The following SCIN variants were observed in gnomAD, a reference collection of about 807,000 sequenced individuals.
The protein encoded by SCIN is scinderin, also known as adseverin.
SCIN carries 91 observed loss-of-function variants against 91.8 expected under a neutral mutation model. That is an observed-to-expected ratio of 0.99 (90% CI 0.84 to 1.18). The LOEUF (loss-of-function observed/expected upper bound fraction) is 1.18. Ranked by LOEUF, SCIN falls within the 50% of genes most tolerant of loss-of-function variation. The probability of loss-of-function intolerance (pLI) is 0.00; values close to 1 mark genes in which losing one functional copy is unlikely to be tolerated. For missense variants in SCIN, 1,087 were observed against 863.9 expected (o/e 1.26, Z -3.24); for synonymous variants, 367 against 312.6 (o/e 1.17, Z -1.84).
chr7:12,608,653 A>G (rs147659027), intron 4 of SCIN, among the ~76,000 whole-genome samples: 2,384 of 151,948 alleles, frequency 0.016, 23 homozygotes, highest in Middle Eastern at 0.027. Flanking sequence ...AATTTTTTGC[A>G]TTTTTAGTAG....
intron 11 of SCIN, among the ~76,000 whole-genome samples, chr7:12,642,593 C>T (rs1044624051): frequency 6.7e-6 from 1 of 150,118 alleles, no homozygotes; most frequent in African/African-American, 2.5e-5. Context: ...ATCAGGTATC[C>T]ATCCCACTAG....
intron 3 of SCIN, among the ~76,000 whole-genome samples, chr7:12,598,771 T>C (rs139643908): frequency 2.0e-5 from 3 of 152,018 alleles, no homozygotes; most frequent in East Asian, 3.9e-4. Flanking sequence ...TCGCTAGGCG[T>C]GGTGGCACAT....
chr7:12,642,074 T>TTA (rs750255605), intron 11 of SCIN, among the ~76,000 whole-genome samples: 19 of 151,412 alleles, frequency 1.3e-4, no homozygotes, highest in Non-Finnish European at 2.2e-4. Context: ...ACTATATGTA[T>TTA]TATATATATA....
chr7:12,619,574 G>T (rs1562618836), intron 4 of SCIN, among the ~76,000 whole-genome samples: 2 of 151,830 alleles, frequency 1.3e-5, no homozygotes, highest in Non-Finnish European at 2.9e-5. Context: ...AACACCAAGG[G>T]TGGTCTTGAG....
At chr7:12,626,856 G>C in intron 8 of SCIN, 57 bp downstream of exon 8, 1 of 1,424,108 alleles carries the variant, frequency 7.0e-7, no homozygotes, top group Non-Finnish European at 9.7e-7. Context: ...TGTAGGGGGA[G>C]GGTGGGGGAG....
At chr7:12,650,743 A>C (rs1004103617) in intron 14 of SCIN, among the ~76,000 whole-genome samples, 3 of 152,204 alleles carry the variant, frequency 2.0e-5, no homozygotes, top group African/African-American at 7.2e-5. Flanking sequence ...TAATTATATC[A>C]ATTTTTTAAA....
intron 1 of SCIN, 188 bp from the exon 2 acceptor site, chr7:12,577,875 TA>T (rs1782408301): frequency 2.4e-5 from 13 of 545,182 alleles, no homozygotes; most frequent in Admixed American, 1.8e-4. Context: ...AAAAATAGAC[TA>T]AAAAAATTGT....
In SCIN at chr7:12,654,620, CT is replaced by C. The variant is rs982031514; in HGVS notation, c.*1910del. On this transcript the variant is annotated 3_prime_UTR_variant, in exon 16 of 16. Transcript: ENST00000297029. ...GAATAAAATGATTTAATAAGTAGTACTTTTTCACAAAATTAGTAAAGGTCAA... is the reference window on the plus strand; with the variant it reads ...GAATAAAATGATTTAATAAGTAGTACTTTTCACAAAATTAGTAAAGGTCAA... 2.0e-5 allele frequency: 3 copies of C among 152,070 alleles called. No individual in the cohort carries two copies. Among genetic ancestry groups the C allele is most frequent in the Admixed American group, 6.5e-5 (1 of 15,276 alleles). 9.4% of individuals were successfully genotyped at this position (152,070 alleles called of 1,614,324 possible). A position where few individuals can be genotyped will look rare whatever the true frequency, so the allele number is the denominator to read the frequency against.
In SCIN at chr7:12,644,841, C is replaced by T. The variant is rs528921173; in HGVS notation, c.1881+136C>T. The T allele has an allele frequency of 8.2e-6, 6 of 728,258 alleles. No individual in the cohort carries two copies. The African/African-American group carries it at 9.0e-5, about 11-fold the overall frequency. 45.1% of individuals were successfully genotyped at this position (728,258 alleles called of 1,614,324 possible). A position where few individuals can be genotyped will look rare whatever the true frequency, so the allele number is the denominator to read the frequency against. ...GACCAGCCTGACCAACATGTAGAAA[C>T]CGTCTCTACTAAAAATATAAAAATT... is the stretch of plus-strand genomic sequence containing the variant. On this transcript the variant is annotated intron_variant, in intron 13 of 15. Coordinates refer to ENST00000297029, the MANE Select transcript of SCIN (RefSeq NM_001112706.3).
At chr7:12,596,088 A>G (rs1782834616) in intron 3 of SCIN, among the ~76,000 whole-genome samples, 1 of 152,226 alleles carries the variant, frequency 6.6e-6, no homozygotes, top group South Asian at 2.1e-4. Flanking sequence ...CCAAGCAGGT[A>G]CCAAGGTCAA....
At chr7:12,625,623 C>A in intron 6 of SCIN, 139 bp from the exon 7 acceptor site, 2 of 651,018 alleles carry the variant, frequency 3.1e-6, no homozygotes, top group South Asian at 2.1e-5. Flanking sequence ...GCCACCGCAC[C>A]CGGCCAATTT....
At chr7:12,622,687 G>A (rs1783433078) in intron 4 of SCIN, 114 bp from the exon 5 acceptor site, 3 of 722,796 alleles carry the variant, frequency 4.2e-6, no homozygotes, top group Admixed American at 5.0e-5. Flanking sequence ...TTTGAGCCTG[G>A]TCATTTTAAT....
At chr7:12,628,088 G>A (rs1276619024) in intron 8 of SCIN, among the ~76,000 whole-genome samples, 1 of 151,758 alleles carries the variant, frequency 6.6e-6, no homozygotes, top group Non-Finnish European at 1.5e-5. Context: ...TACACACACA[G>A]TGCCTGGCAG....
intron 1 of SCIN, among the ~76,000 whole-genome samples, chr7:12,573,064 GA>G (rs1782300985): frequency 6.6e-6 from 1 of 152,030 alleles, no homozygotes; most frequent in Non-Finnish European, 1.5e-5. Flanking sequence ...ATTATGGAGA[GA>G]AAAAAAGCTT....
chr7:12,608,618 C>T (rs1482261682), intron 4 of SCIN, among the ~76,000 whole-genome samples: 1 of 152,060 alleles, frequency 6.6e-6, no homozygotes, highest in Non-Finnish European at 1.5e-5. Flanking sequence ...GCTAGGATTA[C>T]AGGCACCCAC....
At chr7:12,578,294 G>C (rs1782417139) in intron 2 of SCIN, 76 bp downstream of exon 2, 2 of 1,348,708 alleles carry the variant, frequency 1.5e-6, no homozygotes, top group Non-Finnish European at 2.0e-6. Flanking sequence ...TTCATAGAAT[G>C]ACAGTTCGTT....
At position 12,629,160 on chromosome 7, in the gene SCIN, C is replaced by T; in HGVS notation, c.1257C>T (p.Phe419=). ...TTGACCAAAACTCATATGGTGAATT[C>T]TATGGTGGTGACTGCTACATCATAC... The part of the protein sequence containing the change: ...IQVDQNSYGE[F]YGGDCYIILY... Residue 419 remains phenylalanine, a synonymous_variant, in exon 9 of 16, where the codon TTC becomes TTT. Transcript: ENST00000297029. The T allele has an allele frequency of 6.2e-7, 1 of 1,613,190 alleles. No individual in the cohort carries two copies. The highest frequency in any genetic ancestry group is 8.5e-7 in the Non-Finnish European group (1 of 1,179,390).
At position 12,651,768 on chromosome 7, in the gene SCIN, G is replaced by T; in HGVS notation, c.1960-73G>T. On this transcript the variant is annotated intron_variant, in intron 14 of 15. Transcript: ENST00000297029. This position sits in a 1 kb window ranked among gnomAD's most constrained non-coding sequence, Gnocchi z 5.9. ...ATTGAATGAGCAATGTGTGTGTGAAGCACTTTACATAGGGCCTAGCACTGA... is the reference window on the plus strand; with the variant it reads ...ATTGAATGAGCAATGTGTGTGTGAATCACTTTACATAGGGCCTAGCACTGA... The T allele has an allele frequency of 1.1e-6, 1 of 915,344 alleles. No homozygotes were observed. The highest frequency in any genetic ancestry group is 1.7e-6 in the Non-Finnish European group (1 of 581,548). 56.7% of individuals were successfully genotyped at this position (915,344 alleles called of 1,614,324 possible).
At chr7:12,605,587 AT>A (rs770973335) in intron 4 of SCIN, among the ~76,000 whole-genome samples, 2 of 152,206 alleles carry the variant, frequency 1.3e-5, no homozygotes, top group African/African-American at 4.8e-5. Context: ...AGATAAATTT[AT>A]ACAATATTTT....
Sources: gnomAD v4.1 joint callset for allele counts (sites outside exome capture counted in the v4.1 genomes callset) on GRCh38, gnomAD v4.1.1 for gene constraint, Gnocchi (gnomAD v3.1) non-coding constraint, MANE v1.5 for transcripts, NCBI Gene and HGNC (gene_info 2026-07-23, HGNC 2026-07-21) for gene names.